Variants in MOV10L1 observed in about 807,000 individuals in gnomAD.
MOV10L1 encodes the protein Mov10 like RNA helicase 1.
Under a neutral mutation model 143.8 loss-of-function variants are expected in MOV10L1, and 110 were observed. The observed-to-expected ratio is 0.76, with a 90% CI of 0.66 to 0.90. The LOEUF (loss-of-function observed/expected upper bound fraction) is 0.90, where lower values mean the gene tolerates loss of function less well. Among genes scored for constraint, MOV10L1 ranks in the 40% least tolerant of loss-of-function variants. The pLI is 0.00. For synonymous variants in MOV10L1, 593 were observed against 581.1 expected (o/e 1.02, Z -0.29); for missense variants, 1,406 against 1,526.8 (o/e 0.92, Z 1.32).
intron 1 of MOV10L1, 94 bp downstream of exon 1, chr22:50,090,279 G>A: frequency 6.9e-7 from 1 of 1,446,696 alleles, no homozygotes. Flanking sequence ...TGCAGTGCGG[G>A]CCGGCAGGCA....
chr22:50,108,842 G>A lies in MOV10L1; in HGVS notation c.741G>A (p.Arg247=). The A allele has an allele frequency of 6.2e-7, 1 of 1,613,840 alleles. No individual in the cohort carries two copies. Among genetic ancestry groups the A allele is most frequent in the Non-Finnish European group, 8.5e-7 (1 of 1,179,812 alleles). Residue 247 remains arginine, a splice_region_variant and synonymous_variant, in exon 5 of 27, where the codon AGG becomes AGA. Transcript: ENST00000262794. ...CACTTTGTATGACCCTAGTGAAGAG[G>A]CGGTAAGAAAATGCTTTTCTGGCCA... is the stretch of plus-strand genomic sequence containing the variant. ...WRALCMTLVK[R]RDAAPVHEAT... is the part of the protein sequence containing the mutation.
chr22:50,120,111 T>C (rs967449766), intron 9 of MOV10L1, among the ~76,000 whole-genome samples: 5 of 152,192 alleles, frequency 3.3e-5, no homozygotes, highest in Non-Finnish European at 7.3e-5. Context: ...CTTTTCCTAA[T>C]GTGTGCTTTG....
At chr22:50,129,226 A>G (rs1804566499) in intron 13 of MOV10L1, among the ~76,000 whole-genome samples, 1 of 152,122 alleles carries the variant, frequency 6.6e-6, no homozygotes, top group Non-Finnish European at 1.5e-5. Context: ...TTCATGCCTC[A>G]CTGTCACCGT....
chr22:50,107,474 G>A (rs545759323), intron 3 of MOV10L1, among the ~76,000 whole-genome samples: 10 of 152,130 alleles, frequency 6.6e-5, no homozygotes, highest in African/African-American at 2.2e-4. Flanking sequence ...CACAAACTCA[G>A]TATTCAATTA....
intron 5 of MOV10L1, among the ~76,000 whole-genome samples, chr22:50,112,278 A>T (rs2062045468): frequency 6.6e-6 from 1 of 152,202 alleles, no homozygotes; most frequent in African/African-American, 2.4e-5. Context: ...TGGGACGCAC[A>T]GGAGCTCTGC....
chr22:50,145,815 GC>G lies in MOV10L1; in HGVS notation c.2627+9del, dbSNP rs1271220144. 2 of 1,613,532 alleles carry G rather than the reference GC, an allele frequency of 1.2e-6. No homozygotes were observed. Among genetic ancestry groups the G allele is most frequent in the Non-Finnish European group, 8.5e-7 (1 of 1,179,936 alleles). On this transcript the variant is annotated splice_donor_region_variant and intron_variant, in intron 19 of 26. Coordinates refer to ENST00000262794, the MANE Select transcript of MOV10L1 (RefSeq NM_018995.3). ...GTTTTACCAAATAGGAGTGAGGTGA[GC>G]CCCGGGCATGGAGCGCGGCATGGGG...
intron 10 of MOV10L1, 33 bp downstream of exon 10, chr22:50,120,649 G>A (rs768611978): frequency 2.4e-5 from 34 of 1,442,028 alleles, no homozygotes; most frequent in South Asian, 3.6e-5. Flanking sequence ...TGGGGTGTTG[G>A]CATCTTCTAA....
chr22:50,157,337 T>A (rs923747050), intron 22 of MOV10L1, among the ~76,000 whole-genome samples: 5 of 152,236 alleles, frequency 3.3e-5, no homozygotes, highest in Non-Finnish European at 7.3e-5. Context: ...ATTTTCCATT[T>A]GGATGTAGTC....
intron 15 of MOV10L1, among the ~76,000 whole-genome samples, chr22:50,139,849 T>G (rs2062930749): frequency 6.6e-6 from 1 of 152,224 alleles, no homozygotes; most frequent in South Asian, 2.1e-4. Context: ...AGAAATTGAG[T>G]TGGGCCATCT....
chr22:50,103,435 C>T (rs953025231), intron 3 of MOV10L1, among the ~76,000 whole-genome samples: 1 of 152,142 alleles, frequency 6.6e-6, no homozygotes. Flanking sequence ...TCATCCTCAG[C>T]GCTCCAACAT....
At chr22:50,144,938 C>G (rs2063107043) in intron 18 of MOV10L1, among the ~76,000 whole-genome samples, 1 of 151,338 alleles carries the variant, frequency 6.6e-6, no homozygotes, top group Non-Finnish European at 1.5e-5. Context: ...CGAAGTATTG[C>G]TTTTATTTTT....
At chr22:50,109,942 A>C (rs150366244) in intron 5 of MOV10L1, among the ~76,000 whole-genome samples, 1 of 152,144 alleles carries the variant, frequency 6.6e-6, no homozygotes, top group African/African-American at 2.4e-5. Context: ...TGAGGTCAGG[A>C]GTTCGAGACC....
intron 15 of MOV10L1, among the ~76,000 whole-genome samples, chr22:50,140,588 A>G (rs1375801047): frequency 6.6e-6 from 1 of 152,142 alleles, no homozygotes; most frequent in Non-Finnish European, 1.5e-5. Context: ...AAAAAATCTT[A>G]TAGTGTTTTA....
At chr22:50,161,251 A>T (rs570066821) in intron 26 of MOV10L1, 117 bp from the exon 27 acceptor site, 1 of 1,033,716 alleles carries the variant, frequency 9.7e-7, no homozygotes, top group East Asian at 2.6e-5. Flanking sequence ...CCTTTCCCAC[A>T]TAGGCTAACA....
chr22:50,144,204 C>T lies in MOV10L1; in HGVS notation c.2466C>T (p.Ala822=), dbSNP rs1245738241. The T allele has an allele frequency of 6.2e-7, 1 of 1,610,802 alleles. No individual in the cohort carries two copies. Among genetic ancestry groups the T allele is most frequent in the East Asian group, 2.2e-5 (1 of 44,826 alleles). The part of the protein sequence containing the change: ...RLHESKVLQP[A]TMVRVNATCR... ...ACGAGAGCAAGGTGCTACAGCCGGC[C>T]ACCATGGTCCGGGTGAACGCCACCT... is the stretch of plus-strand genomic sequence containing the variant. Residue 822 remains alanine (A), a synonymous_variant, in exon 18 of 27, where the codon GCC becomes GCT. Coordinates refer to ENST00000262794, the MANE Select transcript of MOV10L1 (RefSeq NM_018995.3).
intron 19 of MOV10L1, chr22:50,149,412 G>A (rs1424732869): frequency 6.8e-5 from 40 of 584,550 alleles, no homozygotes; most frequent in Non-Finnish European, 1.1e-4. Context: ...AAAGCACTGG[G>A]TGCTGATGTG....
chr22:50,090,125 T>C lies in MOV10L1; in HGVS notation c.37T>C (p.Trp13Arg). ...SLAAKLVAFF[W>R]RTADTPREEA... ...CGCAGCCAAGCTGGTGGCCTTCTTC[T>C]GGAGGACGGCGGACACCCCTAGGGA... The change falls in exon 1 of 27, where the codon TGG becomes CGG. Residue 13 changes from tryptophan to arginine, a missense_variant. Coordinates refer to ENST00000262794, the MANE Select transcript of MOV10L1 (RefSeq NM_018995.3). 2 of 1,374,184 alleles carry C rather than the reference T, an allele frequency of 1.5e-6. No individual in the cohort carries two copies. The highest frequency in any genetic ancestry group is 1.9e-6 in the Non-Finnish European group (2 of 1,064,274). The allele number at this position is 1,374,184 out of a possible 1,614,324, so 85.1% of individuals were successfully genotyped here. A position where few individuals can be genotyped will look rare whatever the true frequency, so the allele number is the denominator to read the frequency against.
intron 9 of MOV10L1, among the ~76,000 whole-genome samples, chr22:50,120,273 C>A (rs142031401): frequency 6.6e-6 from 1 of 152,128 alleles, no homozygotes; most frequent in African/African-American, 2.4e-5. Flanking sequence ...GCTACACTTA[C>A]CTGTTTACAA....
chr22:50,125,255 A>G, intron 10 of MOV10L1, 137 bp from the exon 11 acceptor site: 1 of 779,456 alleles, frequency 1.3e-6, no homozygotes, highest in Non-Finnish European at 2.1e-6. Flanking sequence ...AGGCACCTGC[A>G]GACTCCGGCG....
Sources: allele counts gnomAD v4.1 joint callset (sites outside exome capture counted in the v4.1 genomes callset), GRCh38; gene constraint gnomAD v4.1.1; transcripts MANE v1.5; gene names NCBI Gene and HGNC (gene_info 2026-07-23, HGNC 2026-07-21).